The following WASHC3 variants were observed in gnomAD, a reference collection of about 807,000 sequenced individuals.
The protein encoded by WASHC3 is WASH complex subunit CCDC53.
A neutral mutation model predicts 26.1 loss-of-function variants in WASHC3; 24 were observed. The observed-to-expected ratio is 0.92, with a 90% CI of 0.66 to 1.29. The LOEUF (loss-of-function observed/expected upper bound fraction) is 1.29, where lower values mean the gene tolerates loss of function less well. Among genes scored for constraint, WASHC3 ranks in the 50% most tolerant of loss-of-function variants. The pLI is 0.00. For synonymous variants in WASHC3, 77 were observed against 75.7 expected (o/e 1.02, Z -0.09); for missense variants, 214 against 229.6 (o/e 0.93, Z 0.44).
intron 2 of WASHC3, among the ~76,000 whole-genome samples, chr12:102,059,478 C>G (rs1878721233): frequency 6.6e-6 from 1 of 151,980 alleles, no homozygotes; most frequent in South Asian, 2.1e-4. Context: ...GAAGTTGAGA[C>G]AGGAACAGGA....
chr12:102,015,436 T>C (rs1876655801), intron 6 of WASHC3, among the ~76,000 whole-genome samples: 2 of 152,248 alleles, frequency 1.3e-5, no homozygotes, highest in Non-Finnish European at 1.5e-5. Context: ...GGGTACAGAC[T>C]GTGCTAAAAT....
chr12:102,055,731 T>C (rs1878568942), intron 2 of WASHC3, among the ~76,000 whole-genome samples: 1 of 152,252 alleles, frequency 6.6e-6, no homozygotes, highest in Non-Finnish European at 1.5e-5. Context: ...TTTGTTTCTT[T>C]CATGGTGGTA....
chr12:102,055,279 G>A (rs975202179), intron 2 of WASHC3, among the ~76,000 whole-genome samples: 7 of 152,218 alleles, frequency 4.6e-5, no homozygotes, highest in African/African-American at 1.7e-4. Context: ...GCTCAGTGAC[G>A]TTATAAATGC....
chr12:102,062,070 G>T, upstream of WASHC3: 1 of 924,136 alleles, frequency 1.1e-6, no homozygotes, highest in Non-Finnish European at 1.6e-6. Context: ...CCCGCCTCCG[G>T]GGCCCTTCCC....
intron 2 of WASHC3, 98 bp downstream of exon 2, chr12:102,061,150 T>C (rs1878792916): frequency 3.9e-6 from 3 of 778,796 alleles, no homozygotes; most frequent in Admixed American, 2.3e-5. Flanking sequence ...TCACGGTACA[T>C]GAATAAAGAC....
In WASHC3 at chr12:102,046,279, C is replaced by T. The variant is rs576681854; in HGVS notation, c.151-160G>A. 2.0e-5 allele frequency among the ~76,000 whole-genome samples: 3 copies of T among 151,738 alleles called. No individual in the cohort carries two copies. The East Asian group carries it at 5.9e-4, about 30-fold the overall frequency. On this transcript the variant is annotated intron_variant, in intron 2 of 6. Coordinates refer to ENST00000240079, the MANE Select transcript of WASHC3 (RefSeq NM_016053.4). ...AGTAGGAATGAGAACTCTTCTATTA[C>T]GTGTATTATAATGCTTCTCAGTTTC...
chr12:102,025,123 G>C (rs1877120239), intron 6 of WASHC3, among the ~76,000 whole-genome samples: 1 of 152,052 alleles, frequency 6.6e-6, no homozygotes, highest in South Asian at 2.1e-4. Context: ...CATTTTCTTG[G>C]AGGACTGAGA....
chr12:102,048,290 C>T (rs1209280818), intron 2 of WASHC3: 1 of 151,974 alleles, frequency 6.6e-6, no homozygotes, highest in Non-Finnish European at 1.5e-5. Context: ...AAAAAATCAC[C>T]ATAGGCTGGG....
chr12:102,026,137 A>T (rs1005402999), intron 5 of WASHC3, 99 bp from the exon 6 acceptor site: 4 of 645,316 alleles, frequency 6.2e-6, no homozygotes, highest in Non-Finnish European at 1.1e-5. Context: ...CTCATTATTT[A>T]AAAGTTCTTA....
intron 5 of WASHC3, among the ~76,000 whole-genome samples, chr12:102,034,381 C>A (rs1877563988): frequency 6.6e-6 from 1 of 152,172 alleles, no homozygotes; most frequent in Non-Finnish European, 1.5e-5. Context: ...CTTCACTCCA[C>A]TTCTCTGAGG....
At chr12:102,021,353 A>G (rs1876948906) in intron 6 of WASHC3, among the ~76,000 whole-genome samples, 1 of 152,202 alleles carries the variant, frequency 6.6e-6, no homozygotes, top group Non-Finnish European at 1.5e-5. Flanking sequence ...GAAAAAGAAA[A>G]GCAGCTGTTC....
chr12:102,036,188 C>T (rs554758750), intron 5 of WASHC3, among the ~76,000 whole-genome samples: 93 of 151,958 alleles, frequency 6.1e-4, no homozygotes, highest in African/African-American at 2.1e-3. Flanking sequence ...GGCGAAACCC[C>T]GTCTCTACTA....
chr12:102,031,284 G>A (rs1198413101), intron 5 of WASHC3, among the ~76,000 whole-genome samples: 1 of 152,190 alleles, frequency 6.6e-6, no homozygotes, highest in Non-Finnish European at 1.5e-5. Flanking sequence ...CTTCCAGTTG[G>A]TGGCTGTCAC....
Position 102,061,909 on chromosome 12 carries a change from AACC to A in WASHC3, c.51_51+2del, listed in dbSNP as rs1337792603. 1 of 1,596,418 alleles carries A rather than the reference AACC, an allele frequency of 6.3e-7. No individual in the cohort carries two copies. Among genetic ancestry groups the A allele is most frequent in the East Asian group, 2.3e-5 (1 of 44,274 alleles). On this transcript the variant is annotated splice_donor_variant and coding_sequence_variant, in exon 1 of 7. Coordinates refer to ENST00000240079, the MANE Select transcript of WASHC3 (RefSeq NM_016053.4). LOFTEE classifies it high-confidence loss of function. ...CGGGAGTCTAGCACCGTCTTTTACAAACCTTGGTCAGGTCTATGCCTGACCCCA... is the reference window on the plus strand; with the variant it reads ...CGGGAGTCTAGCACCGTCTTTTACAATTGGTCAGGTCTATGCCTGACCCCA...
At chr12:102,016,676 T>C (rs897009326) in intron 6 of WASHC3, among the ~76,000 whole-genome samples, 2 of 152,188 alleles carry the variant, frequency 1.3e-5, no homozygotes, top group Non-Finnish European at 2.9e-5. Context: ...AGACAGGATA[T>C]GGAGAACAGT....
At position 102,061,921 on chromosome 12, in the gene WASHC3, G is replaced by A. The variant is rs773514860; in HGVS notation, c.42C>T (p.Asp14=). 1.9e-6 allele frequency: 3 copies of A among 1,599,672 alleles called. No homozygotes were observed. Among genetic ancestry groups the A allele is most frequent in the South Asian group, 1.1e-5 (1 of 88,572 alleles). The change falls in exon 1 of 7, where the codon GAC becomes GAT. Residue 14 remains aspartate (D), a synonymous_variant. Coordinates refer to ENST00000240079, the MANE Select transcript of WASHC3 (RefSeq NM_016053.4). ...DGLPLMGSGI[D]LTKVPAIQQK... is the part of the protein sequence containing the mutation. ...ACCGTCTTTTACAAACCTTGGTCAG[G>A]TCTATGCCTGACCCCATGAGAGGAA... is the stretch of plus-strand genomic sequence containing the variant.
chr12:102,050,883 T>C (rs1878370040), intron 2 of WASHC3, among the ~76,000 whole-genome samples: 1 of 152,214 alleles, frequency 6.6e-6, no homozygotes, highest in Non-Finnish European at 1.5e-5. Context: ...AAATGCTCAC[T>C]GGGGATTTGT....
chr12:102,028,158 C>T (rs889373172), intron 5 of WASHC3, among the ~76,000 whole-genome samples: 1 of 152,100 alleles, frequency 6.6e-6, no homozygotes, highest in African/African-American at 2.4e-5. Flanking sequence ...GAAATTAAAA[C>T]TAACACCACT....
intron 6 of WASHC3, among the ~76,000 whole-genome samples, chr12:102,020,377 A>G (rs894790855): frequency 1.3e-5 from 2 of 152,188 alleles, no homozygotes; most frequent in African/African-American, 4.8e-5. Context: ...CAGCTATGAG[A>G]GTCCATAACT....
Sources: gnomAD v4.1 joint callset for allele counts (sites outside exome capture counted in the v4.1 genomes callset) on GRCh38, gnomAD v4.1.1 for gene constraint, MANE v1.5 for transcripts, NCBI Gene and HGNC (gene_info 2026-07-23, HGNC 2026-07-21) for gene names.